MTARC1: variants seen among roughly 807,000 people sequenced by gnomAD.
MTARC1 encodes the protein mitochondrial amidoxime reducing component 1, also known as mitochondrial amidoxime-reducing component 1.
A neutral mutation model predicts 33.6 loss-of-function variants in MTARC1; 24 were observed. That is an observed-to-expected ratio of 0.72 (90% confidence interval 0.52 to 1.01). The LOEUF is 1.01. Among genes scored for constraint, MTARC1 ranks in the 50% least tolerant of loss-of-function variants. The pLI, the probability that MTARC1 is intolerant of heterozygous loss-of-function variation, is 0.00. For synonymous variants in MTARC1, 187 were observed against 189.5 expected (o/e 0.99, Z 0.11); for missense variants, 417 against 445.7 (o/e 0.94, Z 0.58).
intron 6 of MTARC1, among the ~76,000 whole-genome samples, chr1:220,811,781 C>T (rs766830612): frequency 6.6e-6 from 1 of 152,206 alleles, no homozygotes; most frequent in Non-Finnish European, 1.5e-5. Context: ...CTTTAATTTT[C>T]TGCTGGACAA....
intron 6 of MTARC1, among the ~76,000 whole-genome samples, chr1:220,810,722 G>A (rs1673106370): frequency 6.6e-6 from 1 of 152,180 alleles, no homozygotes; most frequent in South Asian, 2.1e-4. Context: ...GCTAGAAATT[G>A]GTGTAGGTGA....
chr1:220,813,427 G>A lies in MTARC1; in HGVS notation c.*9G>A, dbSNP rs369578845. 47 of 1,614,018 alleles carry A rather than the reference G, an allele frequency of 2.9e-5. No homozygotes were observed. The Middle Eastern group carries it at 4.9e-4, about 17-fold the overall frequency. The stretch of plus-strand genomic sequence containing the variant: ...ACCTGCTGGGCCAGTAATGGGAACC[G>A]TATGTCCTGGAATATTAGATGCCTT... On this transcript the variant is annotated 3_prime_UTR_variant, in exon 7 of 7. Transcript: ENST00000366910.
At chr1:220,801,235 G>T (rs1672792221) in intron 4 of MTARC1, among the ~76,000 whole-genome samples, 1 of 151,642 alleles carries the variant, frequency 6.6e-6, no homozygotes, top group Non-Finnish European at 1.5e-5. Context: ...CCTTTTTTCT[G>T]GGCCCCAGCT....
rs746703779 is a variant in MTARC1, at chr1:220,805,185, C to G, written c.816-18C>G. 6.2e-7 allele frequency: 1 copy of G among 1,614,062 alleles called. No individual in the cohort carries two copies. Among genetic ancestry groups the G allele is most frequent in the African/African-American group, 1.3e-5 (1 of 75,010 alleles). ...GCTCTGCTCTGTCCCCCTTATGATG[C>G]TCTGTGTGTGTGTCCAGATGCATTT... On this transcript the variant is annotated intron_variant, in intron 5 of 6. Coordinates refer to ENST00000366910, the MANE Select transcript of MTARC1 (RefSeq NM_022746.4).
At chr1:220,797,813 A>G in intron 3 of MTARC1, 61 bp from the exon 4 acceptor site, 3 of 1,538,708 alleles carry the variant, frequency 1.9e-6, no homozygotes, top group Non-Finnish European at 8.9e-7. Context: ...GGAACTAGGC[A>G]CACCTAACCA....
intron 6 of MTARC1, among the ~76,000 whole-genome samples, chr1:220,807,468 A>G (rs1359491187): frequency 6.6e-6 from 1 of 152,172 alleles, no homozygotes; most frequent in African/African-American, 2.4e-5. Context: ...TTGTATTTGC[A>G]GCTACTCGGG....
At chr1:220,790,024 C>G (rs1299744868) in intron 1 of MTARC1, among the ~76,000 whole-genome samples, 1 of 152,184 alleles carries the variant, frequency 6.6e-6, no homozygotes, top group Non-Finnish European at 1.5e-5. Context: ...TTTACTGCCA[C>G]TGAATTGCAC....
intron 4 of MTARC1, chr1:220,799,031 G>A (rs182063871): frequency 1.6e-5 from 16 of 985,320 alleles, no homozygotes; most frequent in Middle Eastern, 5.2e-4. Context: ...GAGCAGCCCC[G>A]CTAAGTCCCA....
intron 3 of MTARC1, 75 bp from the exon 4 acceptor site, chr1:220,797,799 T>A: frequency 7.1e-7 from 1 of 1,417,934 alleles, no homozygotes; most frequent in East Asian, 2.3e-5. Context: ...GGAGGCTATG[T>A]CTAGGAACTA....
chr1:220,798,538 G>C (rs1393548979), intron 4 of MTARC1: 2 of 985,332 alleles, frequency 2.0e-6, no homozygotes, highest in African/African-American at 1.7e-5. Context: ...GACTTAGCTT[G>C]AACAGCCCTG....
chr1:220,816,719 A>T lies in MTARC1; in HGVS notation c.*3301A>T, dbSNP rs1319774735. On this transcript the variant is annotated 3_prime_UTR_variant, in exon 7 of 7. Transcript: ENST00000366910. ...TCATGGGAAGACTGAAGAAGTTAAA[A>T]GTTCCCGCCAAGTGAAGGAGACCTA... 1 of 152,194 alleles carries T rather than the reference A, an allele frequency of 6.6e-6. No individual in the cohort carries two copies. The highest frequency in any genetic ancestry group is 1.5e-5 in the Non-Finnish European group (1 of 68,072). 9.4% of individuals were successfully genotyped at this position (152,194 alleles called of 1,614,324 possible).
At chr1:220,796,922 C>G (rs1672640336) in intron 3 of MTARC1, 117 bp downstream of exon 3, 1 of 1,063,396 alleles carries the variant, frequency 9.4e-7, no homozygotes, top group Non-Finnish European at 1.3e-6. Context: ...TCTGGTAGCT[C>G]AGATCACAAG....
intron 2 of MTARC1, among the ~76,000 whole-genome samples, chr1:220,794,642 A>G (rs898519260): frequency 6.6e-6 from 1 of 152,118 alleles, no homozygotes; most frequent in Non-Finnish European, 1.5e-5. Flanking sequence ...GACTGCTCTG[A>G]AAGGTAATAT....
intron 6 of MTARC1, among the ~76,000 whole-genome samples, chr1:220,809,596 G>A (rs1673068341): frequency 2.0e-5 from 3 of 152,088 alleles, no homozygotes; most frequent in South Asian, 2.1e-4. Context: ...TGCAACCTCC[G>A]CCTCCTGGGT....
intron 6 of MTARC1, chr1:220,809,102 T>G: frequency 2.9e-6 from 1 of 349,044 alleles, no homozygotes; most frequent in South Asian, 2.2e-5. Flanking sequence ...GGTAACTCCA[T>G]GGGAGGAGGC....
At chr1:220,813,174 C>T (rs12144830) in intron 6 of MTARC1, 118 bp from the exon 7 acceptor site, 377,150 of 1,371,642 alleles carry the variant, frequency 0.27, 54,029 homozygotes, top group Admixed American at 0.33. Context: ...TGAGCTTTGA[C>T]GGGATGGTGC....
rs956288180 is a variant in MTARC1, at chr1:220,796,724, C to T, written c.531C>T (p.Pro177=). 3.1e-6 allele frequency: 5 copies of T among 1,612,958 alleles called. No homozygotes were observed. Among genetic ancestry groups the T allele is most frequent in the Non-Finnish European group, 4.2e-6 (5 of 1,179,610 alleles). The change falls in exon 3 of 7, where the codon CCC becomes CCT. Residue 177 remains proline, a synonymous_variant. Transcript: ENST00000366910. ...QWITSFLKSQ[P]YRLVHFEPHM... is the part of the protein sequence containing the mutation. ...TAACCAGCTTCCTGAAGTCACAGCC[C>T]TACCGCCTGGTGCACTTCGAGCCTC...
At chr1:220,804,360 T>A (rs2102603061) in intron 4 of MTARC1, among the ~76,000 whole-genome samples, 1 of 152,316 alleles carries the variant, frequency 6.6e-6, no homozygotes, top group Non-Finnish European at 1.5e-5. Flanking sequence ...TTGTGAATAT[T>A]TCTGGCATTT....
chr1:220,809,020 G>A (rs915713702), intron 6 of MTARC1: 7 of 436,298 alleles, frequency 1.6e-5, no homozygotes, highest in African/African-American at 1.2e-4. Flanking sequence ...TACTGTGACA[G>A]TAATGACATT....
Sources: allele counts gnomAD v4.1 joint callset (sites outside exome capture counted in the v4.1 genomes callset), GRCh38; gene constraint gnomAD v4.1.1; transcripts MANE v1.5; gene names NCBI Gene and HGNC (gene_info 2026-07-23, HGNC 2026-07-21).